The following PHLDB2 variants were observed in gnomAD, a reference collection of about 807,000 sequenced individuals.
PHLDB2 encodes pleckstrin homology like domain family B member 2.
PHLDB2 carries 71 observed loss-of-function variants against 123.6 expected under a neutral mutation model. The observed-to-expected ratio is 0.57, with a 90% CI of 0.47 to 0.70. The LOEUF (loss-of-function observed/expected upper bound fraction) is 0.70, where lower values mean the gene tolerates loss of function less well. PHLDB2 is among the 30% of genes least tolerant of loss of function. The pLI is 0.00. For synonymous variants in PHLDB2, 547 were observed against 541.6 expected (o/e 1.01, Z -0.14); for missense variants, 1,446 against 1,519.5 (o/e 0.95, Z 0.80).
At chr3:111,890,725 C>A (rs188544828) in intron 2 of PHLDB2, among the ~76,000 whole-genome samples, 43 of 151,964 alleles carry the variant, frequency 2.8e-4, no homozygotes, top group African/African-American at 7.5e-4. Context: ...TATTAAAGAT[C>A]GAACTGTAAT....
intron 6 of PHLDB2, among the ~76,000 whole-genome samples, chr3:111,938,854 C>T (rs1241753754): frequency 1.3e-5 from 2 of 151,976 alleles, no homozygotes; most frequent in South Asian, 2.1e-4. Context: ...TCACCCTTGT[C>T]GCCCAGGGTG....
chr3:111,925,427 A>G (rs187120065), intron 5 of PHLDB2, among the ~76,000 whole-genome samples: 5 of 152,150 alleles, frequency 3.3e-5, no homozygotes, highest in Non-Finnish European at 4.4e-5. Context: ...CTTGAGATAC[A>G]TGCCACCTGC....
At chr3:111,753,951 G>GATAGTT (rs2059832910) in intron 1 of PHLDB2, among the ~76,000 whole-genome samples, 1 of 152,194 alleles carries the variant, frequency 6.6e-6, no homozygotes, top group African/African-American at 2.4e-5. Flanking sequence ...TCAAAGATCA[G>GATAGTT]ATAGTTATAG....
At chr3:111,732,695 G>GCAGACAA in exon 1 of PHLDB2, 1 of 1,535,258 alleles carries the variant, frequency 6.5e-7, no homozygotes, top group Non-Finnish European at 8.7e-7. Context: ...TTGAAAAGCA[G>GCAGACAA]CAGACAAGGT....
chr3:111,862,329 T>C (rs2064872929), intron 1 of PHLDB2, among the ~76,000 whole-genome samples: 1 of 152,212 alleles, frequency 6.6e-6, no homozygotes, highest in Non-Finnish European at 1.5e-5. Context: ...CAATTGTTGA[T>C]TGTGTAAATG....
intron 17 of PHLDB2, 87 bp from the exon 18 acceptor site, chr3:111,974,336 T>C: frequency 1.6e-6 from 2 of 1,241,600 alleles, no homozygotes; most frequent in East Asian, 2.7e-5. Flanking sequence ...AATTGAAAAT[T>C]TTGAAGAAGT....
intron 1 of PHLDB2, among the ~76,000 whole-genome samples, chr3:111,792,521 C>T (rs2060971957): frequency 6.6e-6 from 1 of 152,018 alleles, no homozygotes; most frequent in African/African-American, 2.4e-5. Context: ...GCCTGGGCAA[C>T]ATAAGGAGAC....
At chr3:111,835,694 G>A (rs2063363734) in intron 1 of PHLDB2, among the ~76,000 whole-genome samples, 1 of 152,176 alleles carries the variant, frequency 6.6e-6, no homozygotes, top group Admixed American at 6.5e-5. Flanking sequence ...AAAAGGATAG[G>A]ACTAGGAATC....
intron 1 of PHLDB2, 55 bp from the exon 2 acceptor site, chr3:111,884,009 A>T (rs1380242604): frequency 2.0e-6 from 3 of 1,492,700 alleles, no homozygotes; most frequent in African/African-American, 2.8e-5. Context: ...CTAACAAGGG[A>T]TTGTTCTTTT....
At chr3:111,842,120 A>G (rs2108557026) in intron 1 of PHLDB2, among the ~76,000 whole-genome samples, 1 of 152,302 alleles carries the variant, frequency 6.6e-6, no homozygotes, top group African/African-American at 2.4e-5. Flanking sequence ...TATAAAGGAG[A>G]TAATGTAGGT....
chr3:111,907,512 T>G (rs1369047544), intron 2 of PHLDB2, among the ~76,000 whole-genome samples: 2 of 152,152 alleles, frequency 1.3e-5, no homozygotes, highest in Non-Finnish European at 2.9e-5. Context: ...TTGTTTGTTT[T>G]TTGAGAGAGA....
At chr3:111,830,699 C>CT (rs2062917408) in intron 1 of PHLDB2, among the ~76,000 whole-genome samples, 1 of 139,132 alleles carries the variant, frequency 7.2e-6, no homozygotes, top group East Asian at 2.1e-4. Flanking sequence ...GTCCCAGCTA[C>CT]TTGGGAGGCT....
intron 1 of PHLDB2, among the ~76,000 whole-genome samples, chr3:111,836,588 G>A (rs528967614): frequency 2.0e-5 from 3 of 152,242 alleles, no homozygotes; most frequent in South Asian, 4.1e-4. Flanking sequence ...AAAGAATCTC[G>A]TATTAGTCCA....
chr3:111,913,322 A>C lies in PHLDB2; in HGVS notation c.1339A>C (p.Arg447=). Residue 447 remains arginine, a synonymous_variant, in exon 3 of 18, where the codon AGA becomes CGA. Coordinates refer to ENST00000431670, the MANE Select transcript of PHLDB2 (RefSeq NM_001134438.2). The part of the protein sequence containing the change: ...LREQEMERLE[R]QRLETILSLC... Reference sequence around the variant, plus strand: ...CCCCCTCCTCCCTGTGTTCCAGGAGAGACAGCGTCTGGAGACCATCCTCAG... The same window carrying C: ...CCCCCTCCTCCCTGTGTTCCAGGAGCGACAGCGTCTGGAGACCATCCTCAG... 6.3e-7 allele frequency: 1 copy of C among 1,586,782 alleles called. No individual in the cohort carries two copies. The highest frequency in any genetic ancestry group is 1.2e-5 in the South Asian group (1 of 85,540).
intron 1 of PHLDB2, among the ~76,000 whole-genome samples, chr3:111,798,963 G>A (rs1479758053): frequency 6.6e-6 from 1 of 152,136 alleles, no homozygotes; most frequent in African/African-American, 2.4e-5. Context: ...AGTTCAGCAT[G>A]GCTAGGGAGG....
At chr3:111,785,268 T>C (rs1026191537) in intron 1 of PHLDB2, among the ~76,000 whole-genome samples, 1 of 152,162 alleles carries the variant, frequency 6.6e-6, no homozygotes, top group East Asian at 1.9e-4. Flanking sequence ...TCTACTGATA[T>C]TAGTCTATTT....
At chr3:111,965,019 G>A (rs932299126) in intron 13 of PHLDB2, among the ~76,000 whole-genome samples, 8 of 152,148 alleles carry the variant, frequency 5.3e-5, no homozygotes, top group African/African-American at 1.9e-4. Flanking sequence ...CGTCCTGCAT[G>A]CCTGTCTTTG....
chr3:111,948,886 C>T (rs373456805), intron 9 of PHLDB2, 46 bp from the exon 10 acceptor site: 49 of 1,598,280 alleles, frequency 3.1e-5, no homozygotes, highest in Non-Finnish European at 2.7e-5. Context: ...TCGCATGCCT[C>T]AGCTTTTGCT....
chr3:111,826,713 C>A (rs566989104), intron 1 of PHLDB2, among the ~76,000 whole-genome samples: 4 of 152,152 alleles, frequency 2.6e-5, no homozygotes, highest in Non-Finnish European at 5.9e-5. Context: ...AATGCAGGAT[C>A]TTTGGCAATT....
Sources: allele counts gnomAD v4.1 joint callset (sites outside exome capture counted in the v4.1 genomes callset), GRCh38; gene constraint gnomAD v4.1.1; transcripts MANE v1.5; gene names NCBI Gene and HGNC (gene_info 2026-07-23, HGNC 2026-07-21).